The following SEC14L2 variants were observed in gnomAD, a reference collection of about 807,000 sequenced individuals.
SEC14L2 encodes the protein SEC14-like protein 2.
SEC14L2 carries 50 observed loss-of-function variants against 56.9 expected under a neutral mutation model. The ratio of observed to expected loss-of-function variants is 0.88; its 90% confidence interval spans 0.70 to 1.11. The LOEUF is 1.11. Ranked by LOEUF, SEC14L2 falls within the 50% of genes most tolerant of loss-of-function variation. SEC14L2 has a pLI of 0.00. For missense variants in SEC14L2, 414 were observed against 500.7 expected, an observed-to-expected ratio of 0.83 and a Z score of 1.65; for synonymous variants, 179 against 188.5, an observed-to-expected ratio of 0.95 and a Z score of 0.41.
intron 2 of SEC14L2, among the ~76,000 whole-genome samples, chr22:30,400,837 G>T (rs1399721041): frequency 1.5e-5 from 2 of 130,300 alleles, no homozygotes; most frequent in African/African-American, 2.9e-5. Flanking sequence ...GGAGGTTGCA[G>T]TGAGCTGACA....
At chr22:30,397,226 G>T in intron 1 of SEC14L2, 56 bp downstream of exon 1, 1 of 1,422,700 alleles carries the variant, frequency 7.0e-7, no homozygotes, top group Non-Finnish European at 9.4e-7. Context: ...TCGCCCTCCT[G>T]CGGCAGCGAG....
At position 30,422,588 on chromosome 22, in the gene SEC14L2, A is replaced by G; in HGVS notation, c.*181A>G. On this transcript the variant is annotated 3_prime_UTR_variant, in exon 12 of 12. Coordinates refer to ENST00000615189, the MANE Select transcript of SEC14L2 (RefSeq NM_012429.5). ...CTGCAGTGGGTCTCCGTGTCTATCA[A>G]ATACCTAAGGAGTCCCCAGGAGCTG... The G allele has an allele frequency of 3.0e-6, 2 of 677,522 alleles. No homozygotes were observed. Among genetic ancestry groups the G allele is most frequent in the South Asian group, 2.0e-5 (1 of 50,394 alleles). The allele number at this position is 677,522 out of a possible 1,614,324, so 42.0% of individuals were successfully genotyped here. A position where few individuals can be genotyped will look rare whatever the true frequency, so the allele number is the denominator to read the frequency against.
chr22:30,398,334 GGA>G (rs1369300946), intron 1 of SEC14L2, among the ~76,000 whole-genome samples: 1 of 152,178 alleles, frequency 6.6e-6, no homozygotes, highest in Middle Eastern at 3.2e-3. Flanking sequence ...TGGTGCACTG[GGA>G]GCTGCTTTGT....
intron 8 of SEC14L2, among the ~76,000 whole-genome samples, chr22:30,415,091 T>G (rs578174116): frequency 6.6e-6 from 1 of 152,240 alleles, no homozygotes; most frequent in South Asian, 2.1e-4. Flanking sequence ...ATCACCTCCA[T>G]GGGGTAATAA....
chr22:30,422,439 A>T lies in SEC14L2; in HGVS notation c.*32A>T. On this transcript the variant is annotated 3_prime_UTR_variant, in exon 12 of 12. Coordinates refer to ENST00000615189, the MANE Select transcript of SEC14L2 (RefSeq NM_012429.5). ...CTCCTATAGCAGGCCTGGCCCCCTC[A>T]GTGTCTCCCTGTCAATTTCTACCCC... The T allele has an allele frequency of 6.2e-7, 1 of 1,612,936 alleles. No homozygotes were observed. The highest frequency in any genetic ancestry group is 8.5e-7 in the Non-Finnish European group (1 of 1,179,484).
At position 30,415,995 on chromosome 22, in the gene SEC14L2, G is replaced by A; in HGVS notation, c.819G>A (p.Gln273=). Residue 273 remains glutamine, a synonymous_variant, in exon 10 of 12, where the codon CAG becomes CAA. Transcript: ENST00000615189. ...DIPRKYYVRD[Q]VKQQYEHSVQ... is the part of the protein sequence containing the mutation. ...CCAGGAAGTATTATGTGCGAGACCA[G>A]GTGAAACAGCAGTATGAACACAGCG... 1 of 1,614,240 alleles carries A rather than the reference G, an allele frequency of 6.2e-7. No individual in the cohort carries two copies. The highest frequency in any genetic ancestry group is 1.1e-5 in the South Asian group (1 of 91,086).
chr22:30,397,754 C>T, intron 1 of SEC14L2: 2 of 429,940 alleles, frequency 4.7e-6, no homozygotes, highest in South Asian at 1.7e-5. Context: ...TCCAGGCTCC[C>T]CCCATGAGGC....
intron 2 of SEC14L2, among the ~76,000 whole-genome samples, chr22:30,405,888 G>A (rs1934079338): frequency 6.6e-6 from 1 of 151,954 alleles, no homozygotes; most frequent in Non-Finnish European, 1.5e-5. Flanking sequence ...GGAGAGACGA[G>A]GTCTCACTGT....
chr22:30,417,651 A>G (rs1934421495), intron 11 of SEC14L2, among the ~76,000 whole-genome samples: 1 of 152,224 alleles, frequency 6.6e-6, no homozygotes. Flanking sequence ...CAAGCACTCA[A>G]TGCACTGCAG....
At chr22:30,409,086 G>A (rs746567888) in intron 5 of SEC14L2, 101 bp from the exon 6 acceptor site, 3 of 1,056,474 alleles carry the variant, frequency 2.8e-6, no homozygotes, top group Non-Finnish European at 4.5e-6. Flanking sequence ...AACTAGCTCT[G>A]ATTGCTCTCT....
chr22:30,411,739 T>G (rs1934253444), intron 8 of SEC14L2, among the ~76,000 whole-genome samples: 1 of 1,698 alleles, frequency 5.9e-4, no homozygotes, highest in African/African-American at 2.9e-3. Context: ...AGAGACTCCG[T>G]CTCAAAAAAA....
Position 30,404,132 on chromosome 22 carries a change from G to A in SEC14L2, c.131-2210G>A, listed in dbSNP as rs1026218844. Among the ~76,000 whole-genome samples the A allele has an allele frequency of 5.3e-5, 8 of 151,582 alleles. 1 individual carries two copies. In the South Asian group the frequency reaches 1.5e-3, roughly 28 times the overall value. ...CCAACTCCCCCACCATGAGAGGACA[G>A]TGCCTTGCATCTTCCAAGTGTTTCT... On this transcript the variant is annotated intron_variant, in intron 2 of 11. Transcript: ENST00000615189.
chr22:30,412,538 C>T lies in SEC14L2; in HGVS notation c.664+1859C>T, dbSNP rs116655730. On this transcript the variant is annotated intron_variant, in intron 8 of 11. Coordinates refer to ENST00000615189, the MANE Select transcript of SEC14L2 (RefSeq NM_012429.5). ...GATTTAAGAATTATTTAGGGCCAGG[C>T]GCAGTGGCTCAGGCCCATAATCCCA... 3.3e-3 allele frequency among the ~76,000 whole-genome samples: 508 copies of T among 152,032 alleles called. 1 individual carries two copies. Among genetic ancestry groups the T allele is most frequent in the African/African-American group, 0.012 (482 of 41,496 alleles).
chr22:30,415,195 G>C (rs1322549046), intron 8 of SEC14L2, among the ~76,000 whole-genome samples: 1 of 152,164 alleles, frequency 6.6e-6, no homozygotes, highest in Non-Finnish European at 1.5e-5. Flanking sequence ...ACTTTGGGAG[G>C]CCGAGGTGGG....
intron 2 of SEC14L2, among the ~76,000 whole-genome samples, chr22:30,405,096 G>C (rs1324117143): frequency 6.6e-6 from 1 of 151,852 alleles, no homozygotes; most frequent in African/African-American, 2.4e-5. Context: ...AAAAGAAAAA[G>C]AGAGTTCTTA....
chr22:30,415,452 A>G (rs1186022563), intron 8 of SEC14L2, among the ~76,000 whole-genome samples: 1 of 152,112 alleles, frequency 6.6e-6, no homozygotes, highest in African/African-American at 2.4e-5. Flanking sequence ...AGCCTTCTCA[A>G]GTACTTAGTT....
intron 7 of SEC14L2, among the ~76,000 whole-genome samples, chr22:30,410,192 G>A (rs917019363): frequency 3.9e-5 from 6 of 151,996 alleles, no homozygotes; most frequent in Non-Finnish European, 5.9e-5. Flanking sequence ...GAGCCCAGGA[G>A]TAAAAGGCTG....
chr22:30,420,022 C>T (rs546842154), intron 11 of SEC14L2, among the ~76,000 whole-genome samples: 7 of 150,986 alleles, frequency 4.6e-5, no homozygotes, highest in African/African-American at 1.2e-4. Context: ...GGCTCGATCT[C>T]GACTCACTGC....
At chr22:30,411,190 G>C (rs941444777) in intron 8 of SEC14L2, among the ~76,000 whole-genome samples, 3 of 152,212 alleles carry the variant, frequency 2.0e-5, no homozygotes, top group Non-Finnish European at 4.4e-5. Flanking sequence ...GAGCCCAGGA[G>C]TTCAAGGCTG....
Sources: allele counts gnomAD v4.1 joint callset (sites outside exome capture counted in the v4.1 genomes callset), GRCh38; gene constraint gnomAD v4.1.1; transcripts MANE v1.5; gene names NCBI Gene and HGNC (gene_info 2026-07-23, HGNC 2026-07-21).